Variants in MGAT5B observed in about 807,000 individuals in gnomAD.
MGAT5B encodes alpha-1,6-mannosylglycoprotein 6-beta-N-acetylglucosaminyltransferase B.
A neutral mutation model predicts 95.1 loss-of-function variants in MGAT5B; 54 were observed. The observed-to-expected ratio is 0.57, with a 90% CI of 0.46 to 0.71. The LOEUF is 0.71. Among genes scored for constraint, MGAT5B ranks in the 30% least tolerant of loss-of-function variants. The pLI, the probability that MGAT5B is intolerant of heterozygous loss-of-function variation, is 0.00. For synonymous variants in MGAT5B, 464 were observed against 451.0 expected (o/e 1.03, Z -0.36); for missense variants, 935 against 1,088.6 (o/e 0.86, Z 1.99).
intron 15 of MGAT5B, chr17:76,943,982 CT>C (rs1969952794): frequency 6.6e-6 from 1 of 152,250 alleles, no homozygotes; most frequent in Non-Finnish European, 1.5e-5. Context: ...CCCGGCACCC[CT>C]TCTGTGTCTC....
chr17:76,875,953 A>T (rs1360428331), intron 2 of MGAT5B, among the ~76,000 whole-genome samples: 1 of 152,018 alleles, frequency 6.6e-6, no homozygotes, highest in Non-Finnish European at 1.5e-5. Context: ...TGGAATACAG[A>T]ACTGAAGTCC....
intron 2 of MGAT5B, among the ~76,000 whole-genome samples, chr17:76,881,503 A>C (rs1967413891): frequency 6.6e-6 from 1 of 152,172 alleles, no homozygotes; most frequent in South Asian, 2.1e-4. Flanking sequence ...GGGCTGGGGA[A>C]GCAACAGGGC....
At chr17:76,939,235 C>A (rs1969786655) in intron 13 of MGAT5B, among the ~76,000 whole-genome samples, 1 of 151,954 alleles carries the variant, frequency 6.6e-6, no homozygotes, top group Non-Finnish European at 1.5e-5. Context: ...TGCGGTGGCT[C>A]ACACCTGTAA....
intron 2 of MGAT5B, among the ~76,000 whole-genome samples, chr17:76,881,307 G>T (rs1163995785): frequency 6.6e-6 from 1 of 152,196 alleles, no homozygotes; most frequent in Non-Finnish European, 1.5e-5. Context: ...CCCTCCCCAG[G>T]CTGGGAGCAG....
At position 76,940,491 on chromosome 17, in the gene MGAT5B, C is replaced by T. The variant is rs762317406; in HGVS notation, c.1674C>T (p.Ser558=). Residue 558 remains serine (S), a synonymous_variant, in exon 14 of 18, where the codon AGC becomes AGT. Transcript: ENST00000569840. This position sits in a 1 kb window ranked among gnomAD's most constrained non-coding sequence, Gnocchi z 4.3. ...GCATCTTCCTGCAGTCCCGCTTCAG[C>T]CCGCCCCACAGCTCCCTCAACCACG... ...NGCIFLQSRF[S]PPHSSLNHEF... is the part of the protein sequence containing the mutation. 3 of 1,613,828 alleles carry T rather than the reference C, an allele frequency of 1.9e-6. No homozygotes were observed. The highest frequency in any genetic ancestry group is 2.2e-5 in the East Asian group (1 of 44,876).
chr17:76,939,512 C>CAAAAA (rs10668702), intron 13 of MGAT5B, among the ~76,000 whole-genome samples: 1 of 151,344 alleles, frequency 6.6e-6, no homozygotes, highest in Non-Finnish European at 1.5e-5. Context: ...GACTCCGTCT[C>CAAAAA]AAAATTTTTT....
chr17:76,947,788 G>C, intron 16 of MGAT5B, 42 bp from the exon 17 acceptor site: 1 of 1,505,922 alleles, frequency 6.6e-7, no homozygotes, highest in South Asian at 1.3e-5. Context: ...AGGCACACCT[G>C]GGTCGCACTT....
intron 3 of MGAT5B, among the ~76,000 whole-genome samples, chr17:76,894,102 C>T (rs368268371): frequency 1.3e-5 from 2 of 152,224 alleles, no homozygotes; most frequent in African/African-American, 2.4e-5. Flanking sequence ...GGAGGCCCCT[C>T]GTAAGCTTGT....
At chr17:76,931,414 A>G (rs1969472363) in intron 10 of MGAT5B, among the ~76,000 whole-genome samples, 1 of 152,242 alleles carries the variant, frequency 6.6e-6, no homozygotes, top group Non-Finnish European at 1.5e-5. Flanking sequence ...ACAATGATAC[A>G]TGAACAAATA....
At chr17:76,936,208 A>T (rs1335340624) in intron 12 of MGAT5B, among the ~76,000 whole-genome samples, 1 of 151,990 alleles carries the variant, frequency 6.6e-6, no homozygotes, top group African/African-American at 2.4e-5. Flanking sequence ...GGAGATTGAG[A>T]TCAGCTTGAC....
intron 3 of MGAT5B, among the ~76,000 whole-genome samples, chr17:76,897,266 G>A (rs890263290): frequency 2.0e-5 from 3 of 152,058 alleles, no homozygotes; most frequent in African/African-American, 4.8e-5. Flanking sequence ...TCAGTTCTGC[G>A]GATGGTGATT....
rs1403935513 is a variant in MGAT5B at position 76,889,011 on chromosome 17, C to T, written c.329+6713C>T. Among the ~76,000 whole-genome samples the T allele has an allele frequency of 1.3e-5, 2 of 152,104 alleles. No homozygotes were observed. Among genetic ancestry groups the T allele is most frequent in the South Asian group, 2.1e-4 (1 of 4,816 alleles). The stretch of plus-strand genomic sequence containing the variant: ...GGTCGGCCTTGGGAAGAGGGGTGGG[C>T]GGTGATCAGAGGCCTCGCTTGGCAT... On this transcript the variant is annotated intron_variant, in intron 3 of 17. Transcript: ENST00000569840. The surrounding 1 kb of genome is among the most constrained non-coding windows in gnomAD (Gnocchi z 4.4).
Position 76,868,758 on chromosome 17 carries a change from G to C in MGAT5B, c.-272G>C. On this transcript the variant is annotated 5_prime_UTR_variant, in exon 1 of 18. Coordinates refer to ENST00000569840, the MANE Select transcript of MGAT5B (RefSeq NM_001199172.2). This position sits in a 1 kb window ranked among gnomAD's most constrained non-coding sequence, Gnocchi z 6.3. Reference sequence around the variant, plus strand: ...GACGCGCGGCCGGCGGTCTGGGGGCGCGCCGCCTCCCGGTCCCCAAAATGT... The same window carrying C: ...GACGCGCGGCCGGCGGTCTGGGGGCCCGCCGCCTCCCGGTCCCCAAAATGT... 1 of 217,840 alleles carries C rather than the reference G, an allele frequency of 4.6e-6. No individual in the cohort carries two copies. Among genetic ancestry groups the C allele is most frequent in the East Asian group, 9.7e-5 (1 of 10,306 alleles). The allele number at this position is 217,840 out of a possible 1,614,324, so 13.5% of individuals were successfully genotyped here.
rs915115536 is a variant in MGAT5B at position 76,868,646 on chromosome 17, C to G, written c.-384C>G. ...CCGCCTTTAGCCGGCACCGAGGGCG[C>G]GGGGCCGGGGATGAGGGCGCCCGCC... is the stretch of plus-strand genomic sequence containing the variant. On this transcript the variant is annotated 5_prime_UTR_variant, in exon 1 of 18. Coordinates refer to ENST00000569840, the MANE Select transcript of MGAT5B (RefSeq NM_001199172.2). This position sits in a 1 kb window ranked among gnomAD's most constrained non-coding sequence, Gnocchi z 6.3. The G allele has an allele frequency of 2.7e-5, 4 of 147,892 alleles. No homozygotes were observed. Among genetic ancestry groups the G allele is most frequent in the African/African-American group, 7.3e-5 (3 of 40,938 alleles). 9.2% of individuals were successfully genotyped at this position (147,892 alleles called of 1,614,324 possible). A position where few individuals can be genotyped will look rare whatever the true frequency, so the allele number is the denominator to read the frequency against.
Position 76,889,528 on chromosome 17 carries a change from T to G in MGAT5B, c.329+7230T>G, listed in dbSNP as rs1346034973. On this transcript the variant is annotated intron_variant, in intron 3 of 17. Transcript: ENST00000569840. The surrounding 1 kb of genome is among the most constrained non-coding windows in gnomAD (Gnocchi z 4.4). ...GGGAGAGAGGCGTGTGGTTGGCAGG[T>G]CAGGGGCCTCTTTCAGCCAGTGCCA... is the stretch of plus-strand genomic sequence containing the variant. Among the ~76,000 whole-genome samples the G allele has an allele frequency of 6.6e-6, 1 of 152,126 alleles. No homozygotes were observed. Among genetic ancestry groups the G allele is most frequent in the Non-Finnish European group, 1.5e-5 (1 of 68,002 alleles).
At chr17:76,902,224 C>T (rs920837940) in intron 3 of MGAT5B, among the ~76,000 whole-genome samples, 1 of 151,988 alleles carries the variant, frequency 6.6e-6, no homozygotes, top group Admixed American at 6.6e-5. Flanking sequence ...GGACATGAGG[C>T]CTGGGGCCGA....
chr17:76,946,441 C>T lies in MGAT5B; in HGVS notation c.1914C>T (p.Ile638=). The T allele has an allele frequency of 1.3e-6, 2 of 1,592,850 alleles. No individual in the cohort carries two copies. Among genetic ancestry groups the T allele is most frequent in the Non-Finnish European group, 1.7e-6 (2 of 1,169,122 alleles). Reference sequence around the variant, plus strand: ...TGCTGGAGCGGATCCACGCCTACATCCAGCACCAGGTCAGTGAGCCCTCTG... The same window carrying T: ...TGCTGGAGCGGATCCACGCCTACATTCAGCACCAGGTCAGTGAGCCCTCTG... ...EGMLERIHAY[I]QHQDFCRAPD... The change falls in exon 16 of 18, where the codon ATC becomes ATT. Residue 638 remains isoleucine (I), a synonymous_variant. Transcript: ENST00000569840.
chr17:76,911,377 G>A (rs1244853553), intron 8 of MGAT5B, among the ~76,000 whole-genome samples: 2 of 152,188 alleles, frequency 1.3e-5, no homozygotes, highest in Non-Finnish European at 2.9e-5. Context: ...CAGGGCCCTA[G>A]AAAAGATGTA....
chr17:76,882,220 G>C lies in MGAT5B; in HGVS notation c.251G>C (p.Arg84Pro). The C allele has an allele frequency of 6.2e-7, 1 of 1,613,642 alleles. No homozygotes were observed. Among genetic ancestry groups the C allele is most frequent in the Non-Finnish European group, 8.5e-7 (1 of 1,179,928 alleles). The change falls in exon 3 of 18, where the codon CGC (arginine) becomes CCC (proline). Residue 84 changes from arginine to proline, a missense_variant. Transcript: ENST00000569840. Reference sequence around the variant, plus strand: ...GACCTGCTGGAGCTGATGGTGAAGCGCATGGACGCACTGGCCAGGCTGGAG... The same window carrying C: ...GACCTGCTGGAGCTGATGGTGAAGCCCATGGACGCACTGGCCAGGCTGGAG... ...MSDLLELMVK[R>P]MDALARLENS...
Sources: gnomAD v4.1 joint callset for allele counts (sites outside exome capture counted in the v4.1 genomes callset) on GRCh38, gnomAD v4.1.1 for gene constraint, Gnocchi (gnomAD v3.1) non-coding constraint, MANE v1.5 for transcripts, NCBI Gene and HGNC (gene_info 2026-07-23, HGNC 2026-07-21) for gene names.